CUX1: variants seen among roughly 807,000 people sequenced by gnomAD.
CUX1 encodes the protein protein CASP.
A neutral mutation model predicts 158.8 loss-of-function variants in CUX1; 31 were observed. The observed-to-expected ratio is 0.20, with a 90% CI of 0.15 to 0.26. The LOEUF is 0.26. Among genes scored for constraint, CUX1 ranks in the 10% least tolerant of loss-of-function variants. The pLI, the probability that CUX1 is intolerant of heterozygous loss-of-function variation, is 1.00. For synonymous variants in CUX1, 879 were observed against 862.1 expected, an observed-to-expected ratio of 1.02 and a Z score of -0.34; for missense variants, 1,589 against 2,014.6, an observed-to-expected ratio of 0.79 and a Z score of 4.04.
At chr7:102,274,575 C>T (rs1791467626) in intron 16 of CUX1, among the ~76,000 whole-genome samples, 1 of 152,204 alleles carries the variant, frequency 6.6e-6, no homozygotes, top group African/African-American at 2.4e-5. Context: ...ATGATGGTGC[C>T]ACTGCACTCC....
At chr7:102,237,333 T>C (rs1586381409) in intron 22 of CUX1, among the ~76,000 whole-genome samples, 2 of 151,920 alleles carry the variant, frequency 1.3e-5, no homozygotes, top group Admixed American at 6.6e-5. Context: ...GCTCAAGTGA[T>C]CCTCCCGTCC....
intron 4 of CUX1, among the ~76,000 whole-genome samples, chr7:102,084,354 T>C (rs1286445637): frequency 1.3e-5 from 2 of 149,900 alleles, no homozygotes; most frequent in African/African-American, 4.9e-5. Flanking sequence ...AATGCTCACC[T>C]ATTAGCTCTA....
chr7:102,204,295 C>A, intron 18 of CUX1, 96 bp from the exon 19 acceptor site: 1 of 1,494,868 alleles, frequency 6.7e-7, no homozygotes, highest in Non-Finnish European at 9.1e-7. Flanking sequence ...CAGCCCTAGA[C>A]GCGCCCTCTG....
At chr7:102,176,070 C>T (rs1418918823) in intron 10 of CUX1, among the ~76,000 whole-genome samples, 3 of 152,226 alleles carry the variant, frequency 2.0e-5, no homozygotes, top group Admixed American at 2.0e-4. Context: ...CCCAGGGCCA[C>T]GCGCACAGCT....
chr7:101,922,331 C>T (rs745926027), intron 2 of CUX1, among the ~76,000 whole-genome samples: 7 of 152,156 alleles, frequency 4.6e-5, no homozygotes, highest in Non-Finnish European at 7.3e-5. Flanking sequence ...GTAGACTTTC[C>T]CCACAGAAAC....
At chr7:102,213,355 C>T (rs573083163) in intron 20 of CUX1, among the ~76,000 whole-genome samples, 3 of 152,250 alleles carry the variant, frequency 2.0e-5, no homozygotes, top group Admixed American at 6.5e-5. Context: ...GGACACAAAA[C>T]CTTGAGCTTC....
chr7:102,103,178 G>T (rs1412364908), intron 5 of CUX1, among the ~76,000 whole-genome samples: 1 of 152,106 alleles, frequency 6.6e-6, no homozygotes, highest in Non-Finnish European at 1.5e-5. Flanking sequence ...CAGGCCACAT[G>T]CCAGTCACCG....
intron 1 of CUX1, among the ~76,000 whole-genome samples, chr7:101,885,422 G>A (rs1184457359): frequency 6.6e-6 from 1 of 152,202 alleles, no homozygotes; most frequent in Non-Finnish European, 1.5e-5. Context: ...AGAAGAGAGA[G>A]AGAACCAAAG....
intron 2 of CUX1, among the ~76,000 whole-genome samples, chr7:102,015,641 T>C (rs1392321328): frequency 2.0e-5 from 3 of 152,186 alleles, no homozygotes; most frequent in Non-Finnish European, 4.4e-5. Flanking sequence ...GTCCAAATGC[T>C]TATATGTGTG....
intron 1 of CUX1, among the ~76,000 whole-genome samples, chr7:101,872,217 T>C (rs1798641916): frequency 6.6e-6 from 1 of 152,166 alleles, no homozygotes; most frequent in South Asian, 2.1e-4. Context: ...CACTGCAACC[T>C]CTGCCTCTTG....
chr7:102,179,825 C>T (rs905134458), intron 11 of CUX1, among the ~76,000 whole-genome samples: 30 of 152,248 alleles, frequency 2.0e-4, no homozygotes, highest in African/African-American at 5.8e-4. Context: ...CTGCTCTGCC[C>T]GGGGGCTGCC....
chr7:101,893,694 C>T (rs541197601), intron 1 of CUX1, among the ~76,000 whole-genome samples: 1 of 152,300 alleles, frequency 6.6e-6, no homozygotes, highest in South Asian at 2.1e-4. Flanking sequence ...GCTTCTTCCC[C>T]ACATTTATTT....
chr7:101,817,172 C>T (rs982895839), upstream of CUX1: 50 of 984,284 alleles, frequency 5.1e-5, no homozygotes, highest in African/African-American at 7.0e-4. This position sits in a 1 kb window ranked among gnomAD's most constrained non-coding sequence, Gnocchi z 4.1. Context: ...CCTAGGCAGG[C>T]CCCAAGCTGT....
At chr7:102,226,625 TTG>T (rs1451180629) in intron 20 of CUX1, among the ~76,000 whole-genome samples, 4 of 152,120 alleles carry the variant, frequency 2.6e-5, no homozygotes, top group Non-Finnish European at 5.9e-5. Context: ...TCCGCAGTTG[TTG>T]TTTTTTTTCT....
intron 2 of CUX1, among the ~76,000 whole-genome samples, chr7:101,924,524 A>T (rs1346996943): frequency 1.3e-5 from 2 of 151,008 alleles, no homozygotes; most frequent in African/African-American, 4.9e-5. Flanking sequence ...TGACGTGAGG[A>T]TTTAGCAAAG....
chr7:102,040,072 C>T (rs1241410065), intron 3 of CUX1, among the ~76,000 whole-genome samples: 1 of 152,198 alleles, frequency 6.6e-6, no homozygotes, highest in Non-Finnish European at 1.5e-5. Context: ...CTGCTTCCAG[C>T]TATGGGCCAA....
intron 15 of CUX1, chr7:102,274,140 C>G: frequency 8.6e-7 from 1 of 1,162,336 alleles, no homozygotes; most frequent in Non-Finnish European, 1.3e-6. Flanking sequence ...GCCCCACCCA[C>G]TCCTTGCCAC....
intron 1 of CUX1, among the ~76,000 whole-genome samples, chr7:101,879,738 G>T (rs182863026): frequency 1.3e-5 from 2 of 152,372 alleles, no homozygotes; most frequent in Admixed American, 6.5e-5. Flanking sequence ...CGTGCGGCCC[G>T]CCCGCAGGGT....
intron 2 of CUX1, among the ~76,000 whole-genome samples, chr7:101,925,217 T>C (rs1805449900): frequency 6.6e-6 from 1 of 152,136 alleles, no homozygotes; most frequent in African/African-American, 2.4e-5. Context: ...CCAGCAATTC[T>C]CCTGCCTCAG....
Sources: allele counts gnomAD v4.1 joint callset (sites outside exome capture counted in the v4.1 genomes callset), GRCh38; gene constraint gnomAD v4.1.1; non-coding constraint Gnocchi (gnomAD v3.1); transcripts MANE v1.5; gene names NCBI Gene and HGNC (gene_info 2026-07-23, HGNC 2026-07-21).